The following ABCA1 variants were observed in gnomAD, a reference collection of about 807,000 sequenced individuals.
The protein encoded by ABCA1 is phospholipid-transporting ATPase ABCA1.
ABCA1 carries 133 observed loss-of-function variants against 262.5 expected under a neutral mutation model. The ratio of observed to expected loss-of-function variants is 0.51; its 90% CI spans 0.44 to 0.59. The LOEUF is 0.59. Among genes scored for constraint, ABCA1 ranks in the 20% least tolerant of loss-of-function variants. The pLI, the probability that ABCA1 is intolerant of heterozygous loss-of-function variation, is 0.00. For missense variants in ABCA1, 2,452 were observed against 2,777.5 expected, an observed-to-expected ratio of 0.88 and a Z score of 2.63; for synonymous variants, 1,022 against 1,043.5, an observed-to-expected ratio of 0.98 and a Z score of 0.40.
chr9:104,927,269 C>T (rs957832778), intron 1 of ABCA1, among the ~76,000 whole-genome samples: 2 of 151,990 alleles, frequency 1.3e-5, no homozygotes, highest in Admixed American at 6.6e-5. Flanking sequence ...CCAGGGACAC[C>T]AGCTCAGCTG....
chr9:104,883,226 G>T, intron 4 of ABCA1, 69 bp from the exon 5 acceptor site: 1 of 1,364,208 alleles, frequency 7.3e-7, no homozygotes, highest in South Asian at 1.2e-5. Context: ...TTACAGAAGT[G>T]ACTGCCAAGT....
At position 104,786,527 on chromosome 9, in the gene ABCA1, T is replaced by A; in HGVS notation, c.6309-137A>T. ...GTACATGTGGATATAGGGATGATGC[T>A]GTTCAGTGTAGTGGTGTTTACAATT... On this transcript the variant is annotated intron_variant, in intron 47 of 49. Coordinates refer to ENST00000374736, the MANE Select transcript of ABCA1 (RefSeq NM_005502.4). 4 of 809,130 alleles carry A rather than the reference T, an allele frequency of 4.9e-6. No individual in the cohort carries two copies. The South Asian group carries it at 5.7e-5, about 12-fold the overall frequency. 50.1% of individuals were successfully genotyped at this position (809,130 alleles called of 1,614,324 possible).
intron 47 of ABCA1, 77 bp from the exon 48 acceptor site, chr9:104,786,467 A>G: frequency 7.9e-7 from 1 of 1,262,222 alleles, no homozygotes; most frequent in Admixed American, 1.7e-5. Flanking sequence ...GACTTCCAGC[A>G]TTCCAGCTTC....
At chr9:104,851,335 C>T (rs1327827961) in intron 7 of ABCA1, among the ~76,000 whole-genome samples, 1 of 152,178 alleles carries the variant, frequency 6.6e-6, no homozygotes, top group Non-Finnish European at 1.5e-5. Flanking sequence ...CCTCACATGG[C>T]TCGTGAAGAA....
At chr9:104,913,171 C>T (rs1402894045) in intron 1 of ABCA1, among the ~76,000 whole-genome samples, 1 of 152,192 alleles carries the variant, frequency 6.6e-6, no homozygotes, top group Non-Finnish European at 1.5e-5. Context: ...GGCAGACAAA[C>T]CCAAATCTTA....
intron 5 of ABCA1, among the ~76,000 whole-genome samples, chr9:104,881,008 G>T (rs1385513322): frequency 6.6e-6 from 1 of 152,108 alleles, no homozygotes. Context: ...AATTAGTTGG[G>T]CATGGTGGAG....
In ABCA1 at chr9:104,862,644, C is replaced by A. The variant is rs367941764; in HGVS notation, c.422-844G>T. 4.8e-3 allele frequency among the ~76,000 whole-genome samples: 36 copies of A among 7,546 alleles called. 9 individuals are homozygous for A. The highest frequency in any genetic ancestry group is 0.012 in the African/African-American group (31 of 2,620). 5.0% of individuals were successfully genotyped at this position (7,546 alleles called of 152,430 possible). A position where few individuals can be genotyped will look rare whatever the true frequency, so the allele number is the denominator to read the frequency against. Reference sequence around the variant, plus strand: ...TAAAATGCAGACTGCCGGGCCGGGCCGGGCCGGGCCGGGCCGGGCCGGGCC... The same window carrying A: ...TAAAATGCAGACTGCCGGGCCGGGCAGGGCCGGGCCGGGCCGGGCCGGGCC... On this transcript the variant is annotated intron_variant, in intron 5 of 49. Coordinates refer to ENST00000374736, the MANE Select transcript of ABCA1 (RefSeq NM_005502.4).
In ABCA1 at chr9:104,812,667, C is replaced by T; in HGVS notation, c.3957G>A (p.Val1319=). ...GTTGCTGTGTAAGTTTCCAGCCTTT[C>T]ACCTGGTAGGACCCTTTGCCATCCA... ...SGMDGKGSYQ[V]KGWKLTQQQF... Residue 1319 remains valine, a synonymous_variant, in exon 28 of 50, where the codon GTG becomes GTA. Coordinates refer to ENST00000374736, the MANE Select transcript of ABCA1 (RefSeq NM_005502.4). The T allele has an allele frequency of 6.2e-7, 1 of 1,614,236 alleles. No individual in the cohort carries two copies. The highest frequency in any genetic ancestry group is 8.5e-7 in the Non-Finnish European group (1 of 1,180,042).
chr9:104,926,292 G>C (rs757977202), intron 1 of ABCA1, among the ~76,000 whole-genome samples: 4 of 152,090 alleles, frequency 2.6e-5, no homozygotes, highest in Non-Finnish European at 4.4e-5. Flanking sequence ...GCCAGTGCCA[G>C]ACAACTTTTT....
At chr9:104,829,261 C>G (rs773811216) in intron 14 of ABCA1, 123 bp from the exon 15 acceptor site, 51 of 857,942 alleles carry the variant, frequency 5.9e-5, no homozygotes, top group Admixed American at 1.6e-4. Context: ...AAGGACAGGC[C>G]CTCTAGACTC....
chr9:104,792,299 T>C (rs1829494933), intron 42 of ABCA1, among the ~76,000 whole-genome samples: 1 of 152,232 alleles, frequency 6.6e-6, no homozygotes, highest in African/African-American at 2.4e-5. Context: ...GTATTGCAGG[T>C]ATTTTAAAAA....
chr9:104,891,995 A>T (rs1839796486), intron 2 of ABCA1, among the ~76,000 whole-genome samples: 1 of 141,552 alleles, frequency 7.1e-6, no homozygotes, highest in South Asian at 2.3e-4. Flanking sequence ...AAAAAAAAAA[A>T]AGTGATGTTT....
At chr9:104,838,453 C>CAAA (rs36050540) in intron 9 of ABCA1, among the ~76,000 whole-genome samples, 7 of 137,264 alleles carry the variant, frequency 5.1e-5, no homozygotes, top group African/African-American at 1.9e-4. Context: ...ACTCAAAATA[C>CAAA]AAAAAAAAAA....
At chr9:104,886,248 C>A (rs1035570504) in intron 3 of ABCA1, among the ~76,000 whole-genome samples, 1 of 152,162 alleles carries the variant, frequency 6.6e-6, no homozygotes, top group African/African-American at 2.4e-5. Context: ...TTGTTTTATT[C>A]ATCTTTTTAT....
intron 6 of ABCA1, among the ~76,000 whole-genome samples, chr9:104,860,172 A>C (rs139031868): frequency 8.7e-4 from 133 of 152,236 alleles, no homozygotes; most frequent in Non-Finnish European, 1.5e-3. Flanking sequence ...TGATCCCAAG[A>C]ATTTTTCAAT....
In ABCA1 at chr9:104,831,799, A is replaced by T. The variant is rs1248138584; in HGVS notation, c.1538T>A (p.Ile513Lys). ...GTTGATGAGCCAGACTTCTGTTGCTATGGGTTCTAGCTTGTTCAGGTTGAC... is the reference window on the plus strand; with the variant it reads ...GTTGATGAGCCAGACTTCTGTTGCTTTGGGTTCTAGCTTGTTCAGGTTGAC... Reference protein sequence around the residue: ...ECVNLNKLEPIATEVWLINKS... With the variant: ...ECVNLNKLEPKATEVWLINKS... The change falls in exon 13 of 50, where the codon ATA becomes AAA. Residue 513 changes from isoleucine (I) to lysine (K), a missense_variant. Physicochemically the swap from Ile to Lys is moderately radical, Grantham distance 102. Coordinates refer to ENST00000374736, the MANE Select transcript of ABCA1 (RefSeq NM_005502.4). 1 of 1,614,196 alleles carries T rather than the reference A, an allele frequency of 6.2e-7. No homozygotes were observed. Among genetic ancestry groups the T allele is most frequent in the Non-Finnish European group, 8.5e-7 (1 of 1,180,038 alleles).
chr9:104,785,433 A>G lies in ABCA1; in HGVS notation c.6608T>C (p.Ile2203Thr). 1 of 1,614,092 alleles carries G rather than the reference A, an allele frequency of 6.2e-7. No individual in the cohort carries two copies. The highest frequency in any genetic ancestry group is 8.5e-7 in the Non-Finnish European group (1 of 1,179,964). ...ILSQSKKRLH[I>T]EDYSVSQTTL... ...TGTCTGAGAAACAGAGTAGTCTTCT[A>G]TGTGGAGTCGCTTTTTGCTCTGGGA... The change falls in exon 49 of 50, where the codon ATA (isoleucine) becomes ACA (threonine). Residue 2203 changes from isoleucine to threonine, a missense_variant. Physicochemically the swap from Ile to Thr is moderately conservative, Grantham distance 89 (BLOSUM62 -1). Around this residue, in one of 4 missense-constraint regions of ABCA1, gnomAD observed 752 missense variants for 944.5 expected, o/e 0.80. Coordinates refer to ENST00000374736, the MANE Select transcript of ABCA1 (RefSeq NM_005502.4).
intron 5 of ABCA1, among the ~76,000 whole-genome samples, chr9:104,874,462 G>A (rs1456666397): frequency 6.6e-6 from 1 of 152,204 alleles, no homozygotes; most frequent in Non-Finnish European, 1.5e-5. Flanking sequence ...CTATTCGGGA[G>A]GCTGAGGCAG....
chr9:104,863,999 C>A (rs1405735334), intron 5 of ABCA1, among the ~76,000 whole-genome samples: 1 of 152,206 alleles, frequency 6.6e-6, no homozygotes, highest in African/African-American at 2.4e-5. Flanking sequence ...AATAAGCATC[C>A]CTTACACTTT....
Sources: gnomAD v4.1 joint callset for allele counts (sites outside exome capture counted in the v4.1 genomes callset) on GRCh38, gnomAD v4.1.1 for gene constraint, gnomAD v4.1.1 regional missense constraint, MANE v1.5 for transcripts, NCBI Gene and HGNC (gene_info 2026-07-23, HGNC 2026-07-21) for gene names.